IRAK1BP1: variants seen among roughly 807,000 people sequenced by gnomAD.
IRAK1BP1 encodes the protein interleukin-1 receptor-associated kinase 1-binding protein 1.
A neutral mutation model predicts 28.0 loss-of-function variants in IRAK1BP1; 24 were observed. The ratio of observed to expected loss-of-function variants is 0.86; its 90% CI spans 0.62 to 1.20. The LOEUF (loss-of-function observed/expected upper bound fraction) is 1.20. Ranked by LOEUF, IRAK1BP1 falls within the 50% of genes most tolerant of loss-of-function variation. The probability of loss-of-function intolerance (pLI) is 0.00; values close to 1 mark genes in which losing one functional copy is unlikely to be tolerated. For missense variants in IRAK1BP1, 336 were observed against 316.7 expected, an observed-to-expected ratio of 1.06 and a Z score of -0.46; for synonymous variants, 131 against 116.3, an observed-to-expected ratio of 1.13 and a Z score of -0.81.
chr6:78,929,292 G>C (rs368066752), intron 4 of IRAK1BP1, among the ~76,000 whole-genome samples: 94 of 152,202 alleles, frequency 6.2e-4, no homozygotes, highest in Middle Eastern at 3.4e-3. Flanking sequence ...AATAAACCTA[G>C]GTGCCCATCA....
chr6:78,966,970 C>A, the IRAK1BP1 span, among the ~76,000 whole-genome samples: 5 of 152,170 alleles, frequency 3.3e-5, no homozygotes, highest in Non-Finnish European at 5.9e-5. Context: ...TGTCTACCTC[C>A]TGGTAGTTTT....
At chr6:78,944,437 A>T (rs7740307) in intron 4 of IRAK1BP1, among the ~76,000 whole-genome samples, 51,145 of 152,074 alleles carry the variant, frequency 0.34, 8,771 homozygotes, top group Non-Finnish European at 0.35. Context: ...AAGACCAGTT[A>T]GGAAACTAGG....
At chr6:78,940,510 AT>A (rs1773433618) in intron 4 of IRAK1BP1, 1 of 159,424 alleles carries the variant, frequency 6.3e-6, no homozygotes, top group African/African-American at 2.7e-5. Flanking sequence ...ATATATATAT[AT>A]ATATTCATTT....
the IRAK1BP1 span, among the ~76,000 whole-genome samples, chr6:78,972,748 C>T: frequency 2.6e-5 from 4 of 151,634 alleles, no homozygotes; most frequent in Admixed American, 1.3e-4. Flanking sequence ...CCTCAGGAGC[C>T]GATGCGATGA....
the IRAK1BP1 span, among the ~76,000 whole-genome samples, chr6:78,971,773 C>G: frequency 6.6e-6 from 1 of 152,182 alleles, no homozygotes; most frequent in Non-Finnish European, 1.5e-5. Flanking sequence ...TGACGGACGG[C>G]ACCTGGAAAA....
intron 4 of IRAK1BP1, among the ~76,000 whole-genome samples, chr6:78,934,619 T>C (rs1773194695): frequency 6.6e-6 from 1 of 152,186 alleles, no homozygotes; most frequent in Non-Finnish European, 1.5e-5. Context: ...ATGTATTCTA[T>C]TTAGGGACTA....
chr6:78,924,195 G>A (rs9689724), intron 4 of IRAK1BP1, among the ~76,000 whole-genome samples: 2,523 of 152,192 alleles, frequency 0.017, 64 homozygotes, highest in African/African-American at 0.057. Flanking sequence ...GAAGAAAAGA[G>A]AAGTATCAAA....
the IRAK1BP1 span, chr6:78,958,585 T>A: frequency 6.4e-7 from 1 of 1,569,068 alleles, no homozygotes; most frequent in Non-Finnish European, 8.7e-7. Context: ...CTTCCCACAT[T>A]AGGGAAGAAA....
At chr6:78,891,278 A>T (rs183107732) in intron 2 of IRAK1BP1, among the ~76,000 whole-genome samples, 1 of 152,310 alleles carries the variant, frequency 6.6e-6, no homozygotes. Context: ...AAACAATCAT[A>T]ATAGTACAAA....
At chr6:78,976,085 G>A in the IRAK1BP1 span, among the ~76,000 whole-genome samples, 2 of 151,316 alleles carry the variant, frequency 1.3e-5, no homozygotes, top group Non-Finnish European at 3.0e-5. Flanking sequence ...TAAGCCAAAA[G>A]AACAAAGCTG....
rs531159209 is a variant in IRAK1BP1, at chr6:78,911,046, A to C, written c.*67+7936A>C. On this transcript the variant is annotated intron_variant and NMD_transcript_variant, in intron 4 of 4. Coordinates refer to the IRAK1BP1 transcript ENST00000606868. ...CTTCCCTCCTATGCCCTTTATTGCC[A>C]AGGGTCGGGATGGCCTTCGTGTCCT... 7.0e-4 allele frequency among the ~76,000 whole-genome samples: 106 copies of C among 152,276 alleles called. 1 individual carries two copies. The South Asian group carries it at 0.022, about 31-fold the overall frequency.
intron 2 of IRAK1BP1, among the ~76,000 whole-genome samples, chr6:78,892,341 A>G (rs1458168944): frequency 6.6e-6 from 1 of 152,166 alleles, no homozygotes; most frequent in Non-Finnish European, 1.5e-5. Context: ...CTAATAACAC[A>G]TGCAAGACTG....
At chr6:78,965,267 G>T in the IRAK1BP1 span, among the ~76,000 whole-genome samples, 2 of 152,152 alleles carry the variant, frequency 1.3e-5, no homozygotes, top group African/African-American at 4.8e-5. Flanking sequence ...GTACTAAAAA[G>T]TTGGGGTGTG....
rs946799146 is a variant in IRAK1BP1, at chr6:78,923,527, T to A, written c.*67+20417T>A. On this transcript the variant is annotated intron_variant and NMD_transcript_variant, in intron 4 of 4. Transcript: ENST00000606868. ...CAGATCATGAGACAGAAAGTTAACA[T>A]GGATATCCAGGAATTTAACTCAGCT... Among the ~76,000 whole-genome samples, 6 of 152,062 alleles carry A rather than the reference T, an allele frequency of 3.9e-5. No homozygotes were observed. In the East Asian group the frequency reaches 1.2e-3, roughly 29 times the overall value.
chr6:78,952,523 T>G, the IRAK1BP1 span, among the ~76,000 whole-genome samples: 228 of 152,052 alleles, frequency 1.5e-3, 2 homozygotes, highest in Middle Eastern at 0.041. Flanking sequence ...TCTCTTCCAC[T>G]GAAATTTTTG....
At chr6:78,942,276 A>G (rs983263990) in intron 4 of IRAK1BP1, among the ~76,000 whole-genome samples, 4 of 152,188 alleles carry the variant, frequency 2.6e-5, no homozygotes, top group Admixed American at 2.6e-4. Flanking sequence ...TGAGGTCAGG[A>G]GTTCGAGACC....
At chr6:78,966,260 TAAC>T in the IRAK1BP1 span, among the ~76,000 whole-genome samples, 1 of 152,212 alleles carries the variant, frequency 6.6e-6, no homozygotes, top group Non-Finnish European at 1.5e-5. Context: ...AAGTGTGACT[TAAC>T]AGTTTTCAAT....
chr6:78,907,719 T>C (rs1021875476), downstream of IRAK1BP1, among the ~76,000 whole-genome samples: 4 of 152,054 alleles, frequency 2.6e-5, no homozygotes, highest in Non-Finnish European at 4.4e-5. Context: ...TTTTTATTTA[T>C]TTATTATTAT....
At position 78,932,580 on chromosome 6, in the gene IRAK1BP1, G is replaced by A. The variant is rs538662517; in HGVS notation, c.*68-12828G>A. On this transcript the variant is annotated intron_variant and NMD_transcript_variant, in intron 4 of 4. Coordinates refer to the IRAK1BP1 transcript ENST00000606868. Reference sequence around the variant, plus strand: ...GGGATTACAGGCACACACCAAGCCTGGCTAATTTTTGTATTTTTAGTAGAG... The same window carrying A: ...GGGATTACAGGCACACACCAAGCCTAGCTAATTTTTGTATTTTTAGTAGAG... Among the ~76,000 whole-genome samples, 19 of 151,874 alleles carry A rather than the reference G, an allele frequency of 1.3e-4. 1 individual carries two copies. The South Asian group carries it at 4.0e-3, about 32-fold the overall frequency.
Sources: allele counts gnomAD v4.1 joint callset (sites outside exome capture counted in the v4.1 genomes callset), GRCh38; gene constraint gnomAD v4.1.1; transcripts MANE v1.5; gene names NCBI Gene and HGNC (gene_info 2026-07-23, HGNC 2026-07-21).